Variants in USP32 observed in about 807,000 individuals in gnomAD.
USP32 encodes ubiquitin specific peptidase 32, also known as ubiquitin carboxyl-terminal hydrolase 32.
USP32 carries 59 observed loss-of-function variants against 204.8 expected under a neutral mutation model. That is an observed-to-expected ratio of 0.29 (90% CI 0.23 to 0.36). USP32 has a LOEUF of 0.36. USP32 is among the 10% of genes least tolerant of loss of function. The probability of loss-of-function intolerance (pLI) is 1.00; values close to 1 mark genes in which losing one functional copy is unlikely to be tolerated. For synonymous variants in USP32, 517 were observed against 678.4 expected, an observed-to-expected ratio of 0.76 and a Z score of 3.70; for missense variants, 1,160 against 1,946.4, an observed-to-expected ratio of 0.60 and a Z score of 7.60.
chr17:60,411,527 A>T (rs2090018362), intron 1 of USP32, among the ~76,000 whole-genome samples: 1 of 150,502 alleles, frequency 6.6e-6, no homozygotes. Flanking sequence ...TTTTAAATTT[A>T]ATTTTAATTT....
At chr17:60,409,279 C>T (rs987695616) in intron 1 of USP32, among the ~76,000 whole-genome samples, 2 of 152,154 alleles carry the variant, frequency 1.3e-5, no homozygotes, top group Non-Finnish European at 2.9e-5. Flanking sequence ...ACCTAGGAGG[C>T]GGAGGTTGCA....
chr17:60,367,577 G>A (rs1002745280), intron 1 of USP32, among the ~76,000 whole-genome samples: 1 of 152,218 alleles, frequency 6.6e-6, no homozygotes, highest in African/African-American at 2.4e-5. Context: ...TTGGCAGGCT[G>A]AGGTGGGTGG....
chr17:60,262,818 T>C (rs980604849), intron 9 of USP32, among the ~76,000 whole-genome samples: 2 of 152,236 alleles, frequency 1.3e-5, no homozygotes, highest in Non-Finnish European at 2.9e-5. Flanking sequence ...AGGAATCACC[T>C]TTCAACTTTT....
At chr17:60,244,731 A>G (rs550214034) in intron 11 of USP32, among the ~76,000 whole-genome samples, 3 of 152,292 alleles carry the variant, frequency 2.0e-5, no homozygotes, top group African/African-American at 7.2e-5. Flanking sequence ...TCCTGGGTTC[A>G]AGTGATTCTC....
intron 1 of USP32, among the ~76,000 whole-genome samples, chr17:60,362,728 C>T (rs187208630): frequency 2.6e-5 from 4 of 152,048 alleles, no homozygotes; most frequent in Admixed American, 2.0e-4. Context: ...ATCAAATACA[C>T]AATTTATCAT....
chr17:60,270,779 C>T (rs567019246), intron 6 of USP32, among the ~76,000 whole-genome samples: 71 of 149,602 alleles, frequency 4.7e-4, no homozygotes, highest in African/African-American at 1.5e-3. Context: ...GCCGAGATGG[C>T]GCCACTGCAC....
intron 1 of USP32, among the ~76,000 whole-genome samples, chr17:60,369,886 T>TG (rs892418653): frequency 7.2e-5 from 11 of 151,948 alleles, no homozygotes; most frequent in African/African-American, 2.7e-4. Context: ...TACATGCACT[T>TG]GCTACCATGC....
chr17:60,312,733 C>A (rs753423241), intron 2 of USP32, among the ~76,000 whole-genome samples: 9 of 152,116 alleles, frequency 5.9e-5, no homozygotes, highest in Non-Finnish European at 1.3e-4. Context: ...ATATACCTTT[C>A]CAAAGAACTT....
intron 11 of USP32, among the ~76,000 whole-genome samples, chr17:60,239,962 C>T (rs888883214): frequency 6.6e-6 from 1 of 152,184 alleles, no homozygotes; most frequent in Non-Finnish European, 1.5e-5. Flanking sequence ...GTCTCGAACT[C>T]CTGACCTCAA....
intron 1 of USP32, among the ~76,000 whole-genome samples, chr17:60,378,025 T>C (rs898769689): frequency 3.9e-5 from 6 of 152,188 alleles, no homozygotes; most frequent in Admixed American, 6.5e-5. Context: ...TGGGAGAAAA[T>C]ATTTGTAAAT....
chr17:60,183,553 A>C, intron 30 of USP32, 100 bp from the exon 31 acceptor site: 1 of 1,428,046 alleles, frequency 7.0e-7, no homozygotes, highest in Non-Finnish European at 9.5e-7. Context: ...GTTTGGGAAT[A>C]TATAACAGAA....
chr17:60,242,345 T>G (rs1401911833), intron 11 of USP32, among the ~76,000 whole-genome samples: 1 of 152,158 alleles, frequency 6.6e-6, no homozygotes, highest in East Asian at 1.9e-4. Context: ...TCTACTGAAT[T>G]TTCTTGACAT....
chr17:60,292,583 C>G (rs112895667), intron 4 of USP32, among the ~76,000 whole-genome samples: 1 of 152,100 alleles, frequency 6.6e-6, no homozygotes, highest in African/African-American at 2.4e-5. Flanking sequence ...AGAAAAAATT[C>G]TAGGCCAACT....
intron 1 of USP32, among the ~76,000 whole-genome samples, chr17:60,375,689 C>T (rs535791484): frequency 7.0e-4 from 106 of 150,916 alleles, no homozygotes; most frequent in Middle Eastern, 3.5e-3. Flanking sequence ...CTGCAACCTC[C>T]GCCTCCTGGG....
Position 60,392,064 on chromosome 17 carries a change from C to A in USP32, c.-125G>T. 1 of 1,151,080 alleles carries A rather than the reference C, an allele frequency of 8.7e-7. No individual in the cohort carries two copies. The highest frequency in any genetic ancestry group is 1.2e-6 in the Non-Finnish European group (1 of 822,056). 71.3% of individuals were successfully genotyped at this position (1,151,080 alleles called of 1,614,324 possible). ...CGTCCCCCGCCCCCACCTCCCCCCA[C>A]ACTAACAAGTGCGGCTTCTGCCCCG... On this transcript the variant is annotated 5_prime_UTR_variant, in exon 1 of 34. Coordinates refer to ENST00000300896, the MANE Select transcript of USP32 (RefSeq NM_032582.4).
At chr17:60,350,606 T>G (rs1198091290) in intron 1 of USP32, among the ~76,000 whole-genome samples, 2 of 152,136 alleles carry the variant, frequency 1.3e-5, no homozygotes, top group Non-Finnish European at 2.9e-5. Flanking sequence ...GGTAAATTTT[T>G]TAAATAAGAA....
intron 5 of USP32, among the ~76,000 whole-genome samples, chr17:60,272,461 G>A (rs576515408): frequency 7.9e-5 from 12 of 152,130 alleles, no homozygotes; most frequent in South Asian, 2.1e-4. Flanking sequence ...TTTACAAAGC[G>A]TACATAGGAC....
chr17:60,356,810 A>C (rs1465166426), intron 1 of USP32, among the ~76,000 whole-genome samples: 1 of 152,198 alleles, frequency 6.6e-6, no homozygotes, highest in Non-Finnish European at 1.5e-5. Context: ...AGGGCATTAA[A>C]TAGAAACTGT....
At chr17:60,182,386 C>G (rs947582847) in intron 31 of USP32, among the ~76,000 whole-genome samples, 1 of 152,166 alleles carries the variant, frequency 6.6e-6, no homozygotes, top group African/African-American at 2.4e-5. Context: ...CGATATTATT[C>G]CATGTCATGT....
Sources: allele counts gnomAD v4.1 joint callset (sites outside exome capture counted in the v4.1 genomes callset), GRCh38; gene constraint gnomAD v4.1.1; transcripts MANE v1.5; gene names NCBI Gene and HGNC (gene_info 2026-07-23, HGNC 2026-07-21).